UNC13C: variants seen among roughly 807,000 people sequenced by gnomAD.
UNC13C encodes the protein unc-13 homolog C.
In UNC13C, 174 loss-of-function variants were observed where a neutral mutation model predicts 245.4. The observed-to-expected ratio is 0.71, with a 90% CI of 0.63 to 0.80. The LOEUF (loss-of-function observed/expected upper bound fraction) is 0.80, where lower values mean the gene tolerates loss of function less well. Ranked by LOEUF, UNC13C falls within the 30% of genes least tolerant of loss-of-function variation. The probability of loss-of-function intolerance (pLI) is 0.00; values close to 1 mark genes in which losing one functional copy is unlikely to be tolerated. For missense variants in UNC13C, 2,829 were observed against 2,602.9 expected (o/e 1.09, Z -1.89); for synonymous variants, 992 against 895.1 (o/e 1.11, Z -1.93).
At chr15:54,052,172 T>C (rs969993457) in intron 2 of UNC13C, among the ~76,000 whole-genome samples, 3 of 101,720 alleles carry the variant, frequency 2.9e-5, no homozygotes, top group South Asian at 3.8e-4. Flanking sequence ...TGTTGGACAT[T>C]TGGGTTGGTT....
intron 2 of UNC13C, among the ~76,000 whole-genome samples, chr15:54,092,941 GACACAAA>G (rs1194645963): frequency 6.6e-6 from 1 of 152,076 alleles, no homozygotes; most frequent in Non-Finnish European, 1.5e-5. Flanking sequence ...ACATATACCT[GACACAAA>G]ATCTTCCTCT....
At chr15:54,438,896 C>G (rs1890368533) in intron 19 of UNC13C, among the ~76,000 whole-genome samples, 1 of 151,912 alleles carries the variant, frequency 6.6e-6, no homozygotes, top group Non-Finnish European at 1.5e-5. Flanking sequence ...AGAGTCCAAG[C>G]TCTTAACTCA....
chr15:54,350,231 C>T (rs28561397), intron 17 of UNC13C, among the ~76,000 whole-genome samples: 83,247 of 151,970 alleles, frequency 0.55, 23,279 homozygotes, highest in East Asian at 0.85. Context: ...ACCTCGTGAT[C>T]CGCCTGCCTC....
chr15:54,330,051 T>A (rs1259889457), intron 14 of UNC13C, among the ~76,000 whole-genome samples: 1 of 152,004 alleles, frequency 6.6e-6, no homozygotes, highest in Non-Finnish European at 1.5e-5. Flanking sequence ...CAATCCTTTT[T>A]TTTTTCCATT....
the UNC13C span, among the ~76,000 whole-genome samples, chr15:53,944,061 T>G: frequency 6.6e-6 from 1 of 151,650 alleles, no homozygotes; most frequent in Admixed American, 6.6e-5. Flanking sequence ...TTTTTAAATC[T>G]ACTCTGTTAA....
At chr15:53,866,877 T>G in the UNC13C span, among the ~76,000 whole-genome samples, 2 of 152,210 alleles carry the variant, frequency 1.3e-5, no homozygotes, top group Admixed American at 6.5e-5. Context: ...AACCATCATC[T>G]AACATAATCT....
At chr15:54,566,704 A>C (rs969215694) in intron 29 of UNC13C, among the ~76,000 whole-genome samples, 1 of 151,982 alleles carries the variant, frequency 6.6e-6, no homozygotes, top group African/African-American at 2.4e-5. Flanking sequence ...AATACCCATA[A>C]AATTTTTCTG....
At chr15:54,319,443 A>G (rs569425081) in intron 13 of UNC13C, among the ~76,000 whole-genome samples, 3 of 152,066 alleles carry the variant, frequency 2.0e-5, no homozygotes, top group African/African-American at 7.2e-5. Flanking sequence ...AAGTCATAAC[A>G]CTTATCATTT....
chr15:54,128,822 A>G (rs941966329), intron 2 of UNC13C, among the ~76,000 whole-genome samples: 1 of 152,190 alleles, frequency 6.6e-6, no homozygotes, highest in African/African-American at 2.4e-5. Context: ...TGGGAGGGAA[A>G]TTAGTACCTA....
At chr15:53,858,380 A>G in the UNC13C span, among the ~76,000 whole-genome samples, 1 of 151,336 alleles carries the variant, frequency 6.6e-6, no homozygotes. Context: ...TGTATTCATT[A>G]TCTCATTTTC....
intron 10 of UNC13C, among the ~76,000 whole-genome samples, chr15:54,281,235 A>T (rs1290980959): frequency 1.3e-5 from 2 of 152,148 alleles, no homozygotes; most frequent in African/African-American, 4.8e-5. Flanking sequence ...TTTTCTTTCC[A>T]ATTCACTCAT....
At chr15:54,003,169 A>G (rs578088887) in intron 1 of UNC13C, among the ~76,000 whole-genome samples, 110 of 152,270 alleles carry the variant, frequency 7.2e-4, no homozygotes, top group Middle Eastern at 6.8e-3. Context: ...TTTCAATCAT[A>G]TTGAGTTTCA....
At chr15:54,113,000 G>GT (rs2141178452) in intron 2 of UNC13C, among the ~76,000 whole-genome samples, 1 of 152,302 alleles carries the variant, frequency 6.6e-6, no homozygotes, top group East Asian at 1.9e-4. Flanking sequence ...AATAGGTACA[G>GT]TAAATAGTGT....
chr15:53,935,915 C>T, the UNC13C span, among the ~76,000 whole-genome samples: 1 of 152,074 alleles, frequency 6.6e-6, no homozygotes, highest in African/African-American at 2.4e-5. Flanking sequence ...CTCCAGCACG[C>T]ACAGAAACCT....
At chr15:53,914,820 G>A in the UNC13C span, 1 of 152,074 alleles carries the variant, frequency 6.6e-6, no homozygotes, top group Non-Finnish European at 1.5e-5. Context: ...TGGCGGTAAT[G>A]AGATATGTGA....
chr15:54,180,139 T>G (rs2033749013), intron 4 of UNC13C, among the ~76,000 whole-genome samples: 1 of 152,018 alleles, frequency 6.6e-6, no homozygotes, highest in Non-Finnish European at 1.5e-5. Flanking sequence ...CCTGATAGTT[T>G]TTAAACCTTT....
chr15:53,919,075 A>T, the UNC13C span, among the ~76,000 whole-genome samples: 2 of 152,006 alleles, frequency 1.3e-5, no homozygotes, highest in African/African-American at 4.8e-5. Context: ...TAACTCGCCA[A>T]TTTTTTTTCT....
intron 20 of UNC13C, among the ~76,000 whole-genome samples, chr15:54,495,217 AT>A (rs1893897009): frequency 6.6e-6 from 1 of 152,034 alleles, no homozygotes; most frequent in South Asian, 2.1e-4. Context: ...TCATGTAATA[AT>A]TTGCATTTGA....
At position 54,294,061 on chromosome 15, in the gene UNC13C, T is replaced by C; in HGVS notation, c.3985T>C (p.Leu1329=). 1.3e-6 allele frequency: 2 copies of C among 1,526,106 alleles called. No individual in the cohort carries two copies. Among genetic ancestry groups the C allele is most frequent in the Non-Finnish European group, 1.7e-6 (2 of 1,143,308 alleles). The allele number at this position is 1,526,106 out of a possible 1,614,324, so 94.5% of individuals were successfully genotyped here. A position where few individuals can be genotyped will look rare whatever the true frequency, so the allele number is the denominator to read the frequency against. ...TGGAGAAATGGATGTCTGGTACAAC[T>C]TAGGTGATTTTTTTTTTTATCTACT... ...LSGEMDVWYN[L]EKRTDKSAVS... The change falls in exon 11 of 33, where the codon TTA becomes CTA. Residue 1329 remains leucine, a synonymous_variant. Coordinates refer to ENST00000260323, the MANE Select transcript of UNC13C (RefSeq NM_001080534.3).
Sources: allele counts gnomAD v4.1 joint callset (sites outside exome capture counted in the v4.1 genomes callset), GRCh38; gene constraint gnomAD v4.1.1; transcripts MANE v1.5; gene names NCBI Gene and HGNC (gene_info 2026-07-23, HGNC 2026-07-21).